SYTL3: variants seen among roughly 807,000 people sequenced by gnomAD.
SYTL3 encodes synaptotagmin like 3.
A neutral mutation model predicts 82.1 loss-of-function variants in SYTL3; 88 were observed. That is an observed-to-expected ratio of 1.07 (90% CI 0.90 to 1.28). The LOEUF (loss-of-function observed/expected upper bound fraction) is 1.28, where lower values mean the gene tolerates loss of function less well. SYTL3 is among the 50% of genes most tolerant of loss of function. The probability of loss-of-function intolerance (pLI) is 0.00; values close to 1 mark genes in which losing one functional copy is unlikely to be tolerated. For synonymous variants in SYTL3, 311 were observed against 289.4 expected (o/e 1.07, Z -0.76); for missense variants, 831 against 757.6 (o/e 1.10, Z -1.14).
Position 158,725,845 on chromosome 6 carries a change from G to A in SYTL3, c.855+208G>A. 7 of 719,784 alleles carry A rather than the reference G, an allele frequency of 9.7e-6. No individual in the cohort carries two copies. The Admixed American group carries it at 1.3e-4, about 13-fold the overall frequency. 44.6% of individuals were successfully genotyped at this position (719,784 alleles called of 1,614,324 possible). ...GTTATCCTCAGGCCTGTGTCTTGGA[G>A]TTACTCCAGGTGTGTCAGCAGATTC... On this transcript the variant is annotated intron_variant, in intron 11 of 17. Coordinates refer to ENST00000611299, the MANE Select transcript of SYTL3 (RefSeq NM_001242394.2).
At chr6:158,731,960 A>G (rs572050084) in intron 11 of SYTL3, among the ~76,000 whole-genome samples, 1 of 152,318 alleles carries the variant, frequency 6.6e-6, no homozygotes, top group East Asian at 1.9e-4. Flanking sequence ...CCTTATAAAG[A>G]TTTACATAAC....
At chr6:158,744,558 A>T (rs1787376873) in intron 11 of SYTL3, among the ~76,000 whole-genome samples, 1 of 151,534 alleles carries the variant, frequency 6.6e-6, no homozygotes, top group Non-Finnish European at 1.5e-5. Context: ...TGACCTTGTG[A>T]TCTGCCTGCC....
Position 158,674,119 on chromosome 6 carries a change from AATG to A in SYTL3, c.329+8521_329+8523del, listed in dbSNP as rs1554244792. Among the ~76,000 whole-genome samples, 258 of 141,434 alleles carry A rather than the reference AATG, an allele frequency of 1.8e-3. 6 individuals are homozygous for A. Among genetic ancestry groups the A allele is most frequent in the African/African-American group, 5.5e-3 (199 of 36,476 alleles). 92.8% of individuals were successfully genotyped at this position (141,434 alleles called of 152,430 possible). A position where few individuals can be genotyped will look rare whatever the true frequency, so the allele number is the denominator to read the frequency against. ...TAATAATAATAATAATAATAATAAT[AATG>A]ATGATGATGATGATAATCTTCTCCC... On this transcript the variant is annotated intron_variant, in intron 5 of 17. Coordinates refer to ENST00000611299, the MANE Select transcript of SYTL3 (RefSeq NM_001242394.2).
At chr6:158,703,153 T>TAAAAAAAA (rs71297001) in intron 6 of SYTL3, among the ~76,000 whole-genome samples, 3 of 94,888 alleles carry the variant, frequency 3.2e-5, no homozygotes, top group South Asian at 4.4e-4. Flanking sequence ...GACTCTGTCT[T>TAAAAAAAA]AAAAAAAAAA....
chr6:158,733,247 T>C lies in SYTL3; in HGVS notation c.855+7610T>C, dbSNP rs143018666. On this transcript the variant is annotated intron_variant, in intron 11 of 17. Transcript: ENST00000611299. ...CAGCTCGCAGCCTATGCCCCTTCCT[T>C]ATTTGGAAATATTATTACTTTTCTA... Among the ~76,000 whole-genome samples the C allele has an allele frequency of 3.9e-4, 60 of 152,306 alleles. No individual in the cohort carries two copies. The East Asian group carries it at 0.011, about 29-fold the overall frequency.
intron 6 of SYTL3, among the ~76,000 whole-genome samples, 184 bp downstream of exon 6, chr6:158,683,173 C>G (rs1397266599): frequency 6.7e-6 from 1 of 150,260 alleles, no homozygotes; most frequent in Non-Finnish European, 1.5e-5. Context: ...GCTCGCTACT[C>G]TTCCCTCTGC....
At chr6:158,706,906 A>G (rs1313373587) in intron 6 of SYTL3, among the ~76,000 whole-genome samples, 1 of 152,234 alleles carries the variant, frequency 6.6e-6, no homozygotes, top group Admixed American at 6.5e-5. Context: ...TCCAATATCA[A>G]CTTTTAATAA....
At chr6:158,652,450 C>A (rs1359249461) in intron 2 of SYTL3, among the ~76,000 whole-genome samples, 1 of 152,070 alleles carries the variant, frequency 6.6e-6, no homozygotes, top group Non-Finnish European at 1.5e-5. Context: ...AGGGTTTTAA[C>A]ATGTTGGCCA....
chr6:158,723,813 C>G (rs1427462277), intron 10 of SYTL3, among the ~76,000 whole-genome samples: 4 of 152,256 alleles, frequency 2.6e-5, no homozygotes, highest in African/African-American at 9.6e-5. Flanking sequence ...GCTTTTCCAG[C>G]CTCTGGCTCC....
At chr6:158,717,545 C>G (rs1783568034) in intron 9 of SYTL3, among the ~76,000 whole-genome samples, 1 of 152,106 alleles carries the variant, frequency 6.6e-6, no homozygotes, top group Admixed American at 6.6e-5. Flanking sequence ...CATCTTTACT[C>G]TAGACCACTA....
At chr6:158,692,898 C>T (rs924796230) in intron 6 of SYTL3, among the ~76,000 whole-genome samples, 1 of 152,044 alleles carries the variant, frequency 6.6e-6, no homozygotes, top group Non-Finnish European at 1.5e-5. Context: ...TTGCAGTAAG[C>T]CGAGATCGTG....
chr6:158,671,334 A>G (rs893254592), intron 5 of SYTL3, among the ~76,000 whole-genome samples: 5 of 152,148 alleles, frequency 3.3e-5, no homozygotes, highest in African/African-American at 1.2e-4. Flanking sequence ...TCTTTTGTTA[A>G]TATTCTCTGT....
intron 2 of SYTL3, among the ~76,000 whole-genome samples, chr6:158,656,920 A>AATTAC (rs894791347): frequency 6.6e-5 from 10 of 152,226 alleles, no homozygotes; most frequent in African/African-American, 2.4e-4. Context: ...TTCAAGAGAG[A>AATTAC]ATTACATTTG....
At chr6:158,714,703 T>C (rs1783160307) in intron 9 of SYTL3, among the ~76,000 whole-genome samples, 1 of 152,228 alleles carries the variant, frequency 6.6e-6, no homozygotes, top group Non-Finnish European at 1.5e-5. Context: ...CTTAGTGTGC[T>C]CAAGGGTCCT....
Position 158,715,360 on chromosome 6 carries a change from T to C in SYTL3, c.595+1482T>C, listed in dbSNP as rs1171311360. Among the ~76,000 whole-genome samples, 5 of 151,956 alleles carry C rather than the reference T, an allele frequency of 3.3e-5. No individual in the cohort carries two copies. The East Asian group carries it at 7.7e-4, about 24-fold the overall frequency. On this transcript the variant is annotated intron_variant, in intron 9 of 17. Coordinates refer to ENST00000611299, the MANE Select transcript of SYTL3 (RefSeq NM_001242394.2). ...GGTGGGACACACACGTCAGCACACA[T>C]GCACCTTCCTGGATGCTCCCAGCCC...
chr6:158,681,175 T>A (rs1005197803), intron 5 of SYTL3, among the ~76,000 whole-genome samples: 4 of 152,162 alleles, frequency 2.6e-5, no homozygotes, highest in Non-Finnish European at 4.4e-5. Flanking sequence ...GATGTGAAGA[T>A]CTTATAATAT....
intron 8 of SYTL3, among the ~76,000 whole-genome samples, chr6:158,709,436 A>G (rs952524017): frequency 2.6e-5 from 4 of 152,188 alleles, no homozygotes; most frequent in Admixed American, 6.5e-5. Context: ...TACTGAATAT[A>G]TATTGCTTTC....
At chr6:158,680,322 A>G (rs906875675) in intron 5 of SYTL3, among the ~76,000 whole-genome samples, 3 of 152,202 alleles carry the variant, frequency 2.0e-5, no homozygotes, top group African/African-American at 7.2e-5. Flanking sequence ...GTGTTGATGT[A>G]GGGGATTAGA....
chr6:158,710,002 T>C (rs1782580169), intron 8 of SYTL3, among the ~76,000 whole-genome samples: 1 of 152,060 alleles, frequency 6.6e-6, no homozygotes, highest in Non-Finnish European at 1.5e-5. Context: ...GCCAATGCGT[T>C]CCAGCCTGGG....
Sources: gnomAD v4.1 joint callset for allele counts (sites outside exome capture counted in the v4.1 genomes callset) on GRCh38, gnomAD v4.1.1 for gene constraint, MANE v1.5 for transcripts, NCBI Gene and HGNC (gene_info 2026-07-23, HGNC 2026-07-21) for gene names.